NLRC4: variants seen among roughly 807,000 people sequenced by gnomAD.
NLRC4 encodes NLR family CARD domain containing 4.
In NLRC4, 63 loss-of-function variants were observed where a neutral mutation model predicts 79.9. That is an observed-to-expected ratio of 0.79 (90% CI 0.64 to 0.97). The LOEUF (loss-of-function observed/expected upper bound fraction) is 0.97, where lower values mean the gene tolerates loss of function less well. Ranked by LOEUF, NLRC4 falls within the 50% of genes least tolerant of loss-of-function variation. The probability of loss-of-function intolerance (pLI) is 0.00; values close to 1 mark genes in which losing one functional copy is unlikely to be tolerated. For missense variants in NLRC4, 1,074 were observed against 1,215.2 expected (o/e 0.88, Z 1.73); for synonymous variants, 461 against 456.5 (o/e 1.01, Z -0.12).
rs138195461 is a variant in NLRC4, at chr2:32,235,916, A to G, written c.2614+331T>C. ...TTTTTTTTCTTTTAACCATAATCAC[A>G]TATCACTATCACACCTAAAAAATCA... On this transcript the variant is annotated intron_variant, in intron 7 of 8. Coordinates refer to ENST00000402280, the MANE Select transcript of NLRC4 (RefSeq NM_001199138.2). Among the ~76,000 whole-genome samples the G allele has an allele frequency of 4.5e-3, 690 of 152,316 alleles. 3 individuals are homozygous for G. The highest frequency in any genetic ancestry group is 0.019 in the South Asian group (90 of 4,826).
chr2:32,228,202 G>C (rs1686448279), intron 8 of NLRC4, among the ~76,000 whole-genome samples: 1 of 152,182 alleles, frequency 6.6e-6, no homozygotes, highest in South Asian at 2.1e-4. Context: ...TGGTAGGTCA[G>C]GGTACCCTGG....
intron 4 of NLRC4, among the ~76,000 whole-genome samples, chr2:32,246,568 T>C (rs1686942514): frequency 6.6e-6 from 1 of 152,246 alleles, no homozygotes; most frequent in Non-Finnish European, 1.5e-5. Flanking sequence ...AGATTCCTGC[T>C]TCCCATGGCT....
intron 8 of NLRC4, among the ~76,000 whole-genome samples, chr2:32,227,183 G>C (rs77430672): frequency 7.0e-6 from 1 of 142,936 alleles, no homozygotes; most frequent in Non-Finnish European, 1.5e-5. Context: ...AAAAAAAAAA[G>C]TAGGGGTCTG....
chr2:32,226,516 A>G (rs1686401603), intron 8 of NLRC4, among the ~76,000 whole-genome samples: 2 of 152,206 alleles, frequency 1.3e-5, no homozygotes, highest in African/African-American at 4.8e-5. Context: ...TTCTGCCTTC[A>G]TGTCTCTTAC....
intron 4 of NLRC4, among the ~76,000 whole-genome samples, chr2:32,244,363 A>G (rs561454651): frequency 6.6e-6 from 1 of 151,918 alleles, no homozygotes; most frequent in Admixed American, 6.6e-5. Context: ...ACACCTATTC[A>G]TGACCAAAAA....
chr2:32,250,402 T>C lies in NLRC4; in HGVS notation c.1462A>G (p.Ser488Gly), dbSNP rs1015025697. The C allele has an allele frequency of 6.2e-7, 1 of 1,614,092 alleles. No homozygotes were observed. The highest frequency in any genetic ancestry group is 8.5e-7 in the Non-Finnish European group (1 of 1,180,038). Reference protein sequence around the residue: ...VSISDITSTYSSLLRYTCGSS... With the variant: ...VSISDITSTYGSLLRYTCGSS... ...CCACAGGTGTACCGGAGCAGGCTGCTATAAGTGGATGTAATGTCCGAAATG... is the reference window on the plus strand; with the variant it reads ...CCACAGGTGTACCGGAGCAGGCTGCCATAAGTGGATGTAATGTCCGAAATG... Residue 488 changes from serine (S) to glycine (G), a missense_variant, in exon 4 of 9, where the codon AGC (serine) becomes GGC (glycine). Coordinates refer to ENST00000402280, the MANE Select transcript of NLRC4 (RefSeq NM_001199138.2). This position sits in a 1 kb window ranked among gnomAD's most constrained non-coding sequence, Gnocchi z 4.9.
At chr2:32,230,989 T>A (rs1463171019) in intron 8 of NLRC4, among the ~76,000 whole-genome samples, 1 of 152,200 alleles carries the variant, frequency 6.6e-6, no homozygotes, top group Non-Finnish European at 1.5e-5. Context: ...TGGTATCTCA[T>A]TGTAGTTTTG....
intron 1 of NLRC4, among the ~76,000 whole-genome samples, chr2:32,261,153 A>G (rs895062723): frequency 3.3e-5 from 5 of 149,810 alleles, no homozygotes; most frequent in African/African-American, 1.2e-4. Flanking sequence ...AGATCGCAGC[A>G]CTGCACTCCA....
At chr2:32,228,281 G>A (rs1043383063) in intron 8 of NLRC4, among the ~76,000 whole-genome samples, 5 of 152,138 alleles carry the variant, frequency 3.3e-5, no homozygotes, top group Non-Finnish European at 5.9e-5. Context: ...GGGCTTATAT[G>A]CTCCAGGAGG....
chr2:32,260,929 A>C (rs1015773713), intron 1 of NLRC4, among the ~76,000 whole-genome samples: 3 of 152,106 alleles, frequency 2.0e-5, no homozygotes, highest in African/African-American at 7.2e-5. Context: ...GCAGTGGCTC[A>C]CGCCTGTAAT....
chr2:32,236,130 A>T, intron 7 of NLRC4, 117 bp downstream of exon 7: 1 of 591,274 alleles, frequency 1.7e-6, no homozygotes, highest in Non-Finnish European at 3.0e-6. Context: ...TTTCCTAAGG[A>T]GGGTGCATCT....
rs1331116780 is a variant in NLRC4, at chr2:32,250,817, C to A, written c.1047G>T (p.Met349Ile). 11 of 1,614,042 alleles carry A rather than the reference C, an allele frequency of 6.8e-6. No individual in the cohort carries two copies. Among genetic ancestry groups the A allele is most frequent in the Non-Finnish European group, 8.5e-6 (10 of 1,180,014 alleles). The part of the protein sequence containing the change: ...LFVVITCAIQ[M>I]GESEFHSHTQ... ...TGTGAGAGTGGAACTCACTTTCACC[C>A]ATCTGGATTGCACAAGTGATGACCA... Residue 349 changes from methionine to isoleucine, a missense_variant, in exon 4 of 9, where the codon ATG becomes ATT. Physicochemically the swap from Met to Ile is conservative, Grantham distance 10 (BLOSUM62 1). Transcript: ENST00000402280. This position sits in a 1 kb window ranked among gnomAD's most constrained non-coding sequence, Gnocchi z 4.9.
In NLRC4 at chr2:32,250,944, G is replaced by A. The variant is rs772722347; in HGVS notation, c.920C>T (p.Ala307Val). 89 of 1,613,916 alleles carry A rather than the reference G, an allele frequency of 5.5e-5. No homozygotes were observed. Among genetic ancestry groups the A allele is most frequent in the Non-Finnish European group, 7.3e-5 (86 of 1,180,050 alleles). ...VGDMTEDSAQ[A>V]LIREVLIKEL... ...CTTGATCAGCACTTCTCGGATGAGA[G>A]CCTGGGCGCTGTCTTCTGTCATATC... The change falls in exon 4 of 9, where the codon GCT becomes GTT. Residue 307 changes from alanine (A) to valine (V), a missense_variant. Physicochemically the swap from Ala to Val is moderately conservative, Grantham distance 64. Coordinates refer to ENST00000402280, the MANE Select transcript of NLRC4 (RefSeq NM_001199138.2). This position sits in a 1 kb window ranked among gnomAD's most constrained non-coding sequence, Gnocchi z 4.9.
intron 4 of NLRC4, among the ~76,000 whole-genome samples, chr2:32,245,329 A>C (rs929684715): frequency 1.3e-5 from 2 of 151,396 alleles, no homozygotes; most frequent in Admixed American, 6.6e-5. Flanking sequence ...AAAAAAAAAA[A>C]AAAACAGATG....
At position 32,250,610 on chromosome 2, in the gene NLRC4, C is replaced by T. The variant is rs139416512; in HGVS notation, c.1254G>A (p.Glu418=). 1.5e-5 allele frequency: 24 copies of T among 1,614,132 alleles called. No homozygotes were observed. The highest frequency in any genetic ancestry group is 1.2e-4 in the African/African-American group (9 of 75,050). Reference sequence around the variant, plus strand: ...GGAGCCCAGTTGTCAGCAGGACATCCTCATTCACGCTGGACACATCCTGCA... The same window carrying T: ...GGAGCCCAGTTGTCAGCAGGACATCTTCATTCACGCTGGACACATCCTGCA... ...FELQDVSSVN[E]DVLLTTGLLC... The change falls in exon 4 of 9, where the codon GAG becomes GAA. Residue 418 remains glutamate, a synonymous_variant. Transcript: ENST00000402280. This position sits in a 1 kb window ranked among gnomAD's most constrained non-coding sequence, Gnocchi z 4.9.
intron 8 of NLRC4, among the ~76,000 whole-genome samples, chr2:32,233,166 AAGGAAGG>A (rs1369638171): frequency 1.1e-5 from 1 of 88,654 alleles, no homozygotes; most frequent in Non-Finnish European, 2.2e-5. Flanking sequence ...GGAAGGAAGG[AAGGAAGG>A]AAGGAAGGAA....
intron 7 of NLRC4, 92 bp from the exon 8 acceptor site, chr2:32,235,660 G>A: frequency 9.2e-7 from 1 of 1,082,060 alleles, no homozygotes; most frequent in Non-Finnish European, 1.3e-6. Context: ...CTTTATGTTT[G>A]GTGGCTCTGC....
intron 6 of NLRC4, among the ~76,000 whole-genome samples, 185 bp downstream of exon 6, chr2:32,237,947 A>G (rs1204024772): frequency 1.3e-5 from 2 of 152,240 alleles, no homozygotes; most frequent in East Asian, 1.9e-4. Context: ...TTATCCATCA[A>G]TAGTTGATTT....
At position 32,238,157 on chromosome 2, in the gene NLRC4, C is replaced by T; in HGVS notation, c.2496G>A (p.Leu832=). ...CTAGGATTTTCACTGCATTTGCAGA[C>T]AAGCAGCAGGAGACTAATTGAATTT... is the stretch of plus-strand genomic sequence containing the variant. The part of the protein sequence containing the change: ...LEEIQLVSCC[L]SANAVKILAQ... Residue 832 remains leucine, a synonymous_variant, in exon 6 of 9, where the codon TTG becomes TTA. Transcript: ENST00000402280. 1 of 1,613,398 alleles carries T rather than the reference C, an allele frequency of 6.2e-7. No homozygotes were observed. The highest frequency in any genetic ancestry group is 8.5e-7 in the Non-Finnish European group (1 of 1,179,832).
Sources: allele counts gnomAD v4.1 joint callset (sites outside exome capture counted in the v4.1 genomes callset), GRCh38; gene constraint gnomAD v4.1.1; non-coding constraint Gnocchi (gnomAD v3.1); transcripts MANE v1.5; gene names NCBI Gene and HGNC (gene_info 2026-07-23, HGNC 2026-07-21).